The following TMEM220 variants were observed in gnomAD, a reference collection of about 807,000 sequenced individuals.
The protein encoded by TMEM220 is transmembrane protein 220.
Under a neutral mutation model 21.7 loss-of-function variants are expected in TMEM220, and 21 were observed. The observed-to-expected ratio is 0.97, with a 90% CI of 0.69 to 1.39. The LOEUF is 1.39. Ranked by LOEUF, TMEM220 falls within the 40% of genes most tolerant of loss-of-function variation. TMEM220 has a pLI of 0.00. For synonymous variants in TMEM220, 80 were observed against 73.6 expected (o/e 1.09, Z -0.45); for missense variants, 191 against 201.9 (o/e 0.95, Z 0.33).
rs189434159 is a variant in TMEM220 at position 10,723,091 on chromosome 17, C to T, written c.347+179G>A. 2.6e-5 allele frequency among the ~76,000 whole-genome samples: 4 copies of T among 152,138 alleles called. No homozygotes were observed. The East Asian group carries it at 7.7e-4, about 29-fold the overall frequency. ...TGTCTCCCGGGTTCAAGCGATTCCC[C>T]TGCCTCAGCCTCCCAAGTAGCTGGG... On this transcript the variant is annotated intron_variant, in intron 5 of 5. Coordinates refer to ENST00000341871, the MANE Select transcript of TMEM220 (RefSeq NM_001004313.3).
At chr17:10,729,134 A>C in intron 1 of TMEM220, 74 bp from the exon 2 acceptor site, 3 of 1,560,140 alleles carry the variant, frequency 1.9e-6, no homozygotes, top group Middle Eastern at 1.7e-4. Context: ...ATTTAAGCAC[A>C]TTTTTTATTA....
chr17:10,728,222 T>C (rs1032357941), intron 2 of TMEM220, among the ~76,000 whole-genome samples: 1 of 151,322 alleles, frequency 6.6e-6, no homozygotes, highest in Non-Finnish European at 1.5e-5. Flanking sequence ...CTCCTCCAAA[T>C]GGTTCAAATC....
chr17:10,712,364 C>T (rs1016425585), downstream of TMEM220, among the ~76,000 whole-genome samples: 5 of 152,194 alleles, frequency 3.3e-5, no homozygotes, highest in Admixed American at 1.3e-4. Flanking sequence ...TCCAGGTAAC[C>T]CCCATCTCAG....
At chr17:10,719,207 A>G (rs966907746) in intron 5 of TMEM220, among the ~76,000 whole-genome samples, 25 of 152,208 alleles carry the variant, frequency 1.6e-4, no homozygotes, top group African/African-American at 6.0e-4. Flanking sequence ...AGCCACATAG[A>G]AAAATATGAA....
Position 10,715,549 on chromosome 17 carries a change from A to G in TMEM220, c.387T>C (p.Ile129=). The change falls in exon 6 of 6, where the codon ATT becomes ATC. Residue 129 remains isoleucine, a synonymous_variant. Coordinates refer to ENST00000341871, the MANE Select transcript of TMEM220 (RefSeq NM_001004313.3). ...VGGRIQLAIA[I]VITLFPFISW... is the part of the protein sequence containing the mutation. ...AGATAAATGGGAAAAGTGTGATTAC[A>G]ATGGCAATAGCCAATTGAATTCTTC... 3.1e-6 allele frequency: 5 copies of G among 1,603,662 alleles called. No homozygotes were observed. The highest frequency in any genetic ancestry group is 3.3e-4 in the Middle Eastern group (2 of 6,048).
intron 2 of TMEM220, 149 bp downstream of exon 2, chr17:10,728,879 ATAT>A (rs1467506078): frequency 1.3e-6 from 1 of 771,426 alleles, no homozygotes; most frequent in South Asian, 1.7e-5. Context: ...CTGCCTATTA[ATAT>A]TTTAGGAAAA....
chr17:10,722,825 T>C (rs2075007540), intron 5 of TMEM220, among the ~76,000 whole-genome samples: 2 of 152,174 alleles, frequency 1.3e-5, no homozygotes, highest in South Asian at 2.1e-4. Context: ...TGTAGAAAAC[T>C]ACGGTTTTTG....
intron 2 of TMEM220, among the ~76,000 whole-genome samples, chr17:10,728,300 CT>C (rs952367756): frequency 3.5e-4 from 48 of 136,382 alleles, no homozygotes; most frequent in South Asian, 3.5e-3. Context: ...TTTTTTTTTT[CT>C]TTTTTTTCTT....
At position 10,721,614 on chromosome 17, in the gene TMEM220, AAAAAAGAAAAAAAG is replaced by A. The variant is rs1170909394; in HGVS notation, c.347+1642_347+1655del. Among the ~76,000 whole-genome samples, 97 of 57,084 alleles carry A rather than the reference AAAAAAGAAAAAAAG, an allele frequency of 1.7e-3. 1 individual carries two copies. The East Asian group carries it at 0.031, about 18-fold the overall frequency. The allele number at this position is 57,084 out of a possible 152,430, so 37.4% of individuals were successfully genotyped here. A position where few individuals can be genotyped will look rare whatever the true frequency, so the allele number is the denominator to read the frequency against. ...AGCAAGACTCTGTCTCAAAAAAAAA[AAAAAAGAAAAAAAG>A]AAAAAAAAGAAAAAAAAAATAGTTT... On this transcript the variant is annotated intron_variant, in intron 5 of 5. Transcript: ENST00000341871.
rs150379033 is a variant in TMEM220, at chr17:10,728,091, T to C, written c.102+940A>G. On this transcript the variant is annotated intron_variant, in intron 2 of 5. Coordinates refer to ENST00000341871, the MANE Select transcript of TMEM220 (RefSeq NM_001004313.3). ...AGAAGAATCACTCAAACCTGGGAGG[T>C]AGAGGTTGCGGTGAGCCTAGATTGC... Among the ~76,000 whole-genome samples the C allele has an allele frequency of 7.0e-4, 105 of 150,880 alleles. No homozygotes were observed. In the East Asian group the frequency reaches 0.014, roughly 21 times the overall value.
At chr17:10,716,161 C>A in intron 5 of TMEM220, 1 of 880,512 alleles carries the variant, frequency 1.1e-6, no homozygotes, top group Non-Finnish European at 1.8e-6. Flanking sequence ...TACTCATAAG[C>A]CTTCTGGATC....
rs115085123 is a variant in TMEM220, at chr17:10,729,952, A to G, written c.-101T>C. On this transcript the variant is annotated 5_prime_UTR_variant, in exon 1 of 6. Transcript: ENST00000341871. ...TTCCTCCTTGCGCGGAGGGACCGAG[A>G]CCCCCGCCTCGGTTTCGGTGCCTTG... is the stretch of plus-strand genomic sequence containing the variant. 9,644 of 1,231,928 alleles carry G rather than the reference A, an allele frequency of 7.8e-3. 629 individuals are homozygous for G. The African/African-American group carries it at 0.13, about 17-fold the overall frequency. 76.3% of individuals were successfully genotyped at this position (1,231,928 alleles called of 1,614,324 possible). A position where few individuals can be genotyped will look rare whatever the true frequency, so the allele number is the denominator to read the frequency against.
At chr17:10,722,334 C>A (rs748274578) in intron 5 of TMEM220, among the ~76,000 whole-genome samples, 4 of 152,104 alleles carry the variant, frequency 2.6e-5, no homozygotes, top group Non-Finnish European at 5.9e-5. Context: ...CTTTGAGATT[C>A]TTTGACTCTT....
In TMEM220 at chr17:10,714,419, T is replaced by C. The variant is rs958845773; in HGVS notation, c.*1034A>G. The C allele has an allele frequency of 3.9e-5, 6 of 152,118 alleles. No individual in the cohort carries two copies. The highest frequency in any genetic ancestry group is 1.4e-4 in the African/African-American group (6 of 41,434). The allele number at this position is 152,118 out of a possible 1,614,324, so 9.4% of individuals were successfully genotyped here. A position where few individuals can be genotyped will look rare whatever the true frequency, so the allele number is the denominator to read the frequency against. On this transcript the variant is annotated 3_prime_UTR_variant, in exon 6 of 6. Coordinates refer to ENST00000341871, the MANE Select transcript of TMEM220 (RefSeq NM_001004313.3). ...AAAAGCTCTCCTCCCTAGGATTACT[T>C]TGGACATCCATTTATAAAGAATGTA... is the stretch of plus-strand genomic sequence containing the variant.
rs376924563 is a variant in TMEM220, at chr17:10,723,339, G to A, written c.288-10C>T. ...CAGACCAGACAGCTCCCTATAAAAG[G>A]GTGTACATTTCAGATTTTGGAAGTG... On this transcript the variant is annotated splice_polypyrimidine_tract_variant and intron_variant, in intron 4 of 5. Transcript: ENST00000341871. 52 of 1,613,332 alleles carry A rather than the reference G, an allele frequency of 3.2e-5. No homozygotes were observed. Among genetic ancestry groups the A allele is most frequent in the Admixed American group, 1.8e-4 (11 of 59,976 alleles).
chr17:10,722,168 TA>T (rs1320669283), intron 5 of TMEM220, among the ~76,000 whole-genome samples: 1 of 152,146 alleles, frequency 6.6e-6, no homozygotes, highest in Non-Finnish European at 1.5e-5. Flanking sequence ...AATTTTTTTG[TA>T]TTTTTAGTAG....
In TMEM220 at chr17:10,714,081, CAG is replaced by C. The variant is rs1252951311; in HGVS notation, c.*1370_*1371del. On this transcript the variant is annotated 3_prime_UTR_variant, in exon 6 of 6. Coordinates refer to ENST00000341871, the MANE Select transcript of TMEM220 (RefSeq NM_001004313.3). Reference sequence around the variant, plus strand: ...TGTAAGCCACGTAAATAAAAGTAAACAGAAACAGATAAAATCAACTTTAATAG... The same window carrying C: ...TGTAAGCCACGTAAATAAAAGTAAACAAACAGATAAAATCAACTTTAATAG... The C allele has an allele frequency of 1.3e-5, 2 of 152,080 alleles. No homozygotes were observed. Among genetic ancestry groups the C allele is most frequent in the Non-Finnish European group, 1.5e-5 (1 of 68,002 alleles). 9.4% of individuals were successfully genotyped at this position (152,080 alleles called of 1,614,324 possible).
rs1168241014 is a variant in TMEM220 at position 10,714,450 on chromosome 17, A to T, written c.*1003T>A. On this transcript the variant is annotated 3_prime_UTR_variant, in exon 6 of 6. Coordinates refer to ENST00000341871, the MANE Select transcript of TMEM220 (RefSeq NM_001004313.3). The stretch of plus-strand genomic sequence containing the variant: ...ATCCATTTATAAAGAATGTATATAG[A>T]TTTTGACCTTATTTCTCATTTAGAA... 6.6e-6 allele frequency: 1 copy of T among 151,296 alleles called. No individual in the cohort carries two copies. 9.4% of individuals were successfully genotyped at this position (151,296 alleles called of 1,614,324 possible). A position where few individuals can be genotyped will look rare whatever the true frequency, so the allele number is the denominator to read the frequency against.
intron 1 of TMEM220, 60 bp from the exon 2 acceptor site, chr17:10,729,120 A>G: frequency 3.8e-6 from 6 of 1,596,368 alleles, no homozygotes; most frequent in Non-Finnish European, 4.3e-6. Flanking sequence ...TTCCTTTTAA[A>G]TTCATTTAAG....
Sources: gnomAD v4.1 joint callset for allele counts (sites outside exome capture counted in the v4.1 genomes callset) on GRCh38, gnomAD v4.1.1 for gene constraint, MANE v1.5 for transcripts, NCBI Gene and HGNC (gene_info 2026-07-23, HGNC 2026-07-21) for gene names.